The following DGKI variants were observed in gnomAD, a reference collection of about 807,000 sequenced individuals.
DGKI encodes the protein DAG kinase iota.
Under a neutral mutation model 147.5 loss-of-function variants are expected in DGKI, and 55 were observed. That is an observed-to-expected ratio of 0.37 (90% CI 0.30 to 0.47). The LOEUF is 0.47. DGKI is among the 20% of genes least tolerant of loss of function. The pLI, the probability that DGKI is intolerant of heterozygous loss-of-function variation, is 1.00. For synonymous variants in DGKI, 469 were observed against 477.1 expected (o/e 0.98, Z 0.22); for missense variants, 1,007 against 1,323.8 (o/e 0.76, Z 3.71).
At chr7:137,806,556 C>T (rs979212635) in intron 1 of DGKI, among the ~76,000 whole-genome samples, 4 of 152,154 alleles carry the variant, frequency 2.6e-5, no homozygotes, top group African/African-American at 7.2e-5. Context: ...GCCTCATCCT[C>T]CTGAGTACCT....
chr7:137,496,736 C>T (rs916480312), intron 21 of DGKI, among the ~76,000 whole-genome samples: 3 of 151,822 alleles, frequency 2.0e-5, no homozygotes, highest in Admixed American at 6.6e-5. Context: ...CTGGAATAAC[C>T]GACTAGTCAT....
chr7:137,416,833 A>G (rs1024406708), intron 28 of DGKI, among the ~76,000 whole-genome samples: 1 of 152,222 alleles, frequency 6.6e-6, no homozygotes, highest in Admixed American at 6.5e-5. Context: ...AATAGGTAGA[A>G]GATCATATGA....
chr7:137,562,090 AT>A (rs1818436945), intron 19 of DGKI, among the ~76,000 whole-genome samples: 1 of 152,254 alleles, frequency 6.6e-6, no homozygotes, highest in African/African-American at 2.4e-5. Flanking sequence ...GAAGGAGTGA[AT>A]AGCACTGGAA....
At chr7:137,570,593 AT>A (rs199646642) in intron 19 of DGKI, among the ~76,000 whole-genome samples, 18,802 of 143,094 alleles carry the variant, frequency 0.13, 1,754 homozygotes, top group African/African-American at 0.28. Context: ...CTATAGTGTA[AT>A]TTTTTTTTTT....
intron 27 of DGKI, among the ~76,000 whole-genome samples, chr7:137,448,486 G>A: frequency 6.7e-6 from 1 of 149,018 alleles, no homozygotes; most frequent in East Asian, 2.0e-4. Context: ...TAGAAATGGA[G>A]GGAAGGAAGG....
intron 28 of DGKI, among the ~76,000 whole-genome samples, chr7:137,426,721 GAAAACA>G (rs1812823918): frequency 6.7e-6 from 1 of 150,338 alleles, no homozygotes; most frequent in Middle Eastern, 3.4e-3. Context: ...CAAGCAAATG[GAAAACA>G]AAAAAAGGCA....
At chr7:137,605,966 T>C (rs1185853215) in intron 10 of DGKI, among the ~76,000 whole-genome samples, 1 of 152,162 alleles carries the variant, frequency 6.6e-6, no homozygotes, top group African/African-American at 2.4e-5. Context: ...TTGACATATT[T>C]CAAACACAAA....
Position 137,569,347 on chromosome 7 carries a change from G to T in DGKI, c.1947+1828C>A, listed in dbSNP as rs550430270. ...ATAACCACTCAATAAATGTTCACTC[G>T]ATCAGTGAATAAAGAATAAGTAACC... is the stretch of plus-strand genomic sequence containing the variant. On this transcript the variant is annotated intron_variant, in intron 19 of 32. Coordinates refer to ENST00000614521, the MANE Select transcript of DGKI (RefSeq NM_001321708.2). 1.4e-4 allele frequency among the ~76,000 whole-genome samples: 21 copies of T among 152,126 alleles called. No individual in the cohort carries two copies. The East Asian group carries it at 3.9e-3, about 28-fold the overall frequency.
intron 1 of DGKI, among the ~76,000 whole-genome samples, chr7:137,748,706 T>C (rs777433123): frequency 3.9e-5 from 6 of 152,190 alleles, no homozygotes; most frequent in Non-Finnish European, 8.8e-5. Context: ...ACCCTTCATA[T>C]ACTATCAGAA....
intron 1 of DGKI, among the ~76,000 whole-genome samples, chr7:137,718,092 T>C (rs1353710375): frequency 6.6e-6 from 1 of 152,036 alleles, no homozygotes; most frequent in Non-Finnish European, 1.5e-5. Context: ...ACTCACAGCA[T>C]CTCAAGAGGA....
At chr7:137,618,288 C>T (rs964888858) in intron 8 of DGKI, among the ~76,000 whole-genome samples, 2 of 147,954 alleles carry the variant, frequency 1.4e-5, no homozygotes, top group Non-Finnish European at 1.5e-5. Context: ...ATCTCCCACA[C>T]ACCCTCTGCA....
At chr7:137,535,243 T>TGA (rs947354435) in intron 20 of DGKI, among the ~76,000 whole-genome samples, 5 of 152,130 alleles carry the variant, frequency 3.3e-5, no homozygotes, top group African/African-American at 1.2e-4. Flanking sequence ...AATGGAAGAA[T>TGA]GAGAGAAATC....
chr7:137,596,844 G>C (rs1262898370), intron 12 of DGKI, among the ~76,000 whole-genome samples: 1 of 152,140 alleles, frequency 6.6e-6, no homozygotes, highest in Non-Finnish European at 1.5e-5. Context: ...AGTATTCGAA[G>C]ATTTTGTTGC....
chr7:137,679,825 T>A (rs993525194), intron 2 of DGKI, among the ~76,000 whole-genome samples: 3 of 151,052 alleles, frequency 2.0e-5, no homozygotes, highest in Non-Finnish European at 4.4e-5. Context: ...TCATCTCAAC[T>A]AAAAAAATAC....
intron 10 of DGKI, among the ~76,000 whole-genome samples, chr7:137,603,309 T>A (rs1314109432): frequency 6.6e-6 from 1 of 152,178 alleles, no homozygotes; most frequent in African/African-American, 2.4e-5. Flanking sequence ...ATAACTCTAG[T>A]GTAGGTTGAA....
intron 21 of DGKI, 119 bp downstream of exon 21, chr7:137,521,747 A>C (rs1816967728): frequency 5.5e-6 from 4 of 722,418 alleles, no homozygotes; most frequent in South Asian, 3.3e-5. Flanking sequence ...GTTTCACTTC[A>C]CTTCTCTAAC....
intron 21 of DGKI, among the ~76,000 whole-genome samples, chr7:137,501,106 C>T (rs1376757896): frequency 6.6e-6 from 1 of 152,092 alleles, no homozygotes; most frequent in African/African-American, 2.4e-5. Context: ...AGATATGAGA[C>T]AGAATATGCC....
intron 1 of DGKI, among the ~76,000 whole-genome samples, chr7:137,697,041 T>TCCCTCACAGC (rs1823813829): frequency 6.6e-6 from 1 of 152,142 alleles, no homozygotes; most frequent in Admixed American, 6.5e-5. Context: ...GGAGAGATTC[T>TCCCTCACAGC]CCCTCACAGC....
chr7:137,638,466 G>GTGTATATATATACACACATATATATGTA (rs1554446391), intron 6 of DGKI, among the ~76,000 whole-genome samples: 1 of 24,586 alleles, frequency 4.1e-5, no homozygotes, highest in African/African-American at 9.8e-5. Context: ...ATATATGTGT[G>GTGTATATATATACACACATATATATGTA]TATATATGTG....
Sources: allele counts gnomAD v4.1 joint callset (sites outside exome capture counted in the v4.1 genomes callset), GRCh38; gene constraint gnomAD v4.1.1; transcripts MANE v1.5; gene names NCBI Gene and HGNC (gene_info 2026-07-23, HGNC 2026-07-21).